Variants in CRTC1 observed in about 807,000 individuals in gnomAD.
CRTC1 encodes the protein CREB regulated transcription coactivator 1, also known as CREB-regulated transcription coactivator 1.
A neutral mutation model predicts 66.1 loss-of-function variants in CRTC1; 18 were observed. The ratio of observed to expected loss-of-function variants is 0.27; its 90% CI spans 0.19 to 0.40. The LOEUF is 0.40. Ranked by LOEUF, CRTC1 falls within the 10% of genes least tolerant of loss-of-function variation. CRTC1 has a pLI of 1.00. For synonymous variants in CRTC1, 416 were observed against 398.8 expected, an observed-to-expected ratio of 1.04 and a Z score of -0.51; for missense variants, 669 against 887.9, an observed-to-expected ratio of 0.75 and a Z score of 3.13.
Position 18,745,913 on chromosome 19 carries a change from G to A in CRTC1, c.334G>A (p.Gly112Ser), listed in dbSNP as rs1222724752. The A allele has an allele frequency of 8.7e-6, 14 of 1,612,984 alleles. No individual in the cohort carries two copies. The highest frequency in any genetic ancestry group is 1.0e-5 in the Non-Finnish European group (12 of 1,179,724). ...GGTGTACCGGGAGCGTGGCCGGCTC[G>A]GCTCCCCACACCGCCGGCCCCTGTC... Reference protein sequence around the residue: ...DRVYRERGRLGSPHRRPLSVD... With the variant: ...DRVYRERGRLSSPHRRPLSVD... Residue 112 changes from glycine to serine, a missense_variant, in exon 3 of 14, where the codon GGC becomes AGC. Transcript: ENST00000321949.
At position 18,781,581 on chromosome 19, in the gene CRTC1, G is replaced by A. The variant is rs1446183246; in HGVS notation, c.*4199G>A. The A allele has an allele frequency of 1.3e-5, 3 of 229,642 alleles. No homozygotes were observed. In the South Asian group the frequency reaches 5.5e-4, roughly 42 times the overall value. The allele number at this position is 229,642 out of a possible 1,614,324, so 14.2% of individuals were successfully genotyped here. ...TCTCCCCCTGGGAGCAGGAGGTGGA[G>A]TAAGTTGTACCCCCAGGCCTGGGTG... On this transcript the variant is annotated 3_prime_UTR_variant, in exon 14 of 14. Coordinates refer to ENST00000321949, the MANE Select transcript of CRTC1 (RefSeq NM_015321.3).
At chr19:18,744,223 C>A in intron 2 of CRTC1, 1 of 1,501,076 alleles carries the variant, frequency 6.7e-7, no homozygotes, top group Non-Finnish European at 9.1e-7. Context: ...GACCCGTGTG[C>A]GGGCGCTGGG....
chr19:18,772,576 C>T (rs2054894295), intron 11 of CRTC1, among the ~76,000 whole-genome samples: 1 of 152,214 alleles, frequency 6.6e-6, no homozygotes, highest in African/African-American at 2.4e-5. Flanking sequence ...TGAGGTCGGG[C>T]TCCCTTGTCC....
chr19:18,739,626 G>A (rs1330999862), intron 1 of CRTC1, among the ~76,000 whole-genome samples: 3 of 152,218 alleles, frequency 2.0e-5, no homozygotes, highest in Non-Finnish European at 4.4e-5. Flanking sequence ...TCAGTGGTTT[G>A]GGGAGCACAG....
At chr19:18,693,452 G>C (rs1398915468) in intron 1 of CRTC1, among the ~76,000 whole-genome samples, 1 of 150,616 alleles carries the variant, frequency 6.6e-6, no homozygotes, top group Non-Finnish European at 1.5e-5. Flanking sequence ...AATCAAGACA[G>C]GTTTTACCAA....
chr19:18,782,329 C>G lies in CRTC1; in HGVS notation c.*4947C>G, dbSNP rs997465408. 1 of 204,862 alleles carries G rather than the reference C, an allele frequency of 4.9e-6. No individual in the cohort carries two copies. Among genetic ancestry groups the G allele is most frequent in the Admixed American group, 5.5e-5 (1 of 18,198 alleles). The allele number at this position is 204,862 out of a possible 1,614,324, so 12.7% of individuals were successfully genotyped here. On this transcript the variant is annotated 3_prime_UTR_variant, in exon 14 of 14. Coordinates refer to ENST00000321949, the MANE Select transcript of CRTC1 (RefSeq NM_015321.3). ...AAACGTAATAAAAATCCAACGTTTT[C>G]GTCACTGGCTCTTCCTCTTTTTTCT...
chr19:18,765,205 ACT>A (rs1278580091), intron 8 of CRTC1, among the ~76,000 whole-genome samples, 197 bp from the exon 9 acceptor site: 1 of 151,820 alleles, frequency 6.6e-6, no homozygotes, highest in African/African-American at 2.4e-5. Context: ...AGGAGAACAG[ACT>A]CTGCAGGACT....
chr19:18,776,611 C>G (rs564423791), intron 13 of CRTC1, among the ~76,000 whole-genome samples: 1 of 152,364 alleles, frequency 6.6e-6, no homozygotes, highest in Non-Finnish European at 1.5e-5. Flanking sequence ...CAGCCTCAGA[C>G]TCAGGAGAAG....
chr19:18,741,205 G>C lies in CRTC1; in HGVS notation c.127-1705G>C, dbSNP rs1236432843. 2.6e-5 allele frequency among the ~76,000 whole-genome samples: 4 copies of C among 152,184 alleles called. No homozygotes were observed. Among genetic ancestry groups the C allele is most frequent in the African/African-American group, 9.7e-5 (4 of 41,436 alleles). The stretch of plus-strand genomic sequence containing the variant: ...CTGTGTGTCCCCAGTCCTGTAGATT[G>C]TCCCCGCATCCCAGGTTTCCTGTGG... On this transcript the variant is annotated intron_variant, in intron 1 of 13. Coordinates refer to ENST00000321949, the MANE Select transcript of CRTC1 (RefSeq NM_015321.3). This position sits in a 1 kb window ranked among gnomAD's most constrained non-coding sequence, Gnocchi z 4.2.
At chr19:18,693,425 C>T (rs996409605) in intron 1 of CRTC1, among the ~76,000 whole-genome samples, 5 of 150,764 alleles carry the variant, frequency 3.3e-5, no homozygotes, top group Non-Finnish European at 7.4e-5. Context: ...CTTGCCAGCA[C>T]CTACCACCAA....
At chr19:18,762,254 A>G (rs2054630872) in intron 8 of CRTC1, among the ~76,000 whole-genome samples, 1 of 152,202 alleles carries the variant, frequency 6.6e-6, no homozygotes, top group African/African-American at 2.4e-5. Flanking sequence ...CCCAGTCTAA[A>G]CAAGCACAAG....
intron 8 of CRTC1, among the ~76,000 whole-genome samples, chr19:18,761,238 C>A (rs1042580081): frequency 6.6e-6 from 1 of 152,252 alleles, no homozygotes; most frequent in African/African-American, 2.4e-5. Flanking sequence ...CCTGCCCTGG[C>A]CCACGTTGCT....
intron 1 of CRTC1, among the ~76,000 whole-genome samples, chr19:18,706,144 A>G (rs8100814): frequency 0.045 from 5,326 of 119,460 alleles, 352 homozygotes; most frequent in African/African-American, 0.16. Context: ...CATATATGTG[A>G]CAGTTTATTT....
chr19:18,733,161 T>C (rs548669863), intron 1 of CRTC1, among the ~76,000 whole-genome samples: 1 of 151,686 alleles, frequency 6.6e-6, no homozygotes, highest in African/African-American at 2.4e-5. Context: ...CTGAGGCCCC[T>C]CCTGTCTTCC....
chr19:18,747,816 G>A (rs1284236974), intron 4 of CRTC1, among the ~76,000 whole-genome samples: 1 of 152,096 alleles, frequency 6.6e-6, no homozygotes, highest in Non-Finnish European at 1.5e-5. Flanking sequence ...AGTGGCTCAC[G>A]CCTGTAATCC....
At position 18,778,147 on chromosome 19, in the gene CRTC1, G is replaced by A. The variant is rs2055036302; in HGVS notation, c.*765G>A. 4.3e-6 allele frequency: 1 copy of A among 232,886 alleles called. No individual in the cohort carries two copies. 14.4% of individuals were successfully genotyped at this position (232,886 alleles called of 1,614,324 possible). A position where few individuals can be genotyped will look rare whatever the true frequency, so the allele number is the denominator to read the frequency against. ...GGGAAGTGACCGGAAGGCCCCGTGA[G>A]GGGTCGAACGCGGAGGCAGGGGTTA... On this transcript the variant is annotated 3_prime_UTR_variant, in exon 14 of 14. Coordinates refer to ENST00000321949, the MANE Select transcript of CRTC1 (RefSeq NM_015321.3).
Position 18,777,598 on chromosome 19 carries a change from G to A in CRTC1, c.*216G>A. On this transcript the variant is annotated 3_prime_UTR_variant, in exon 14 of 14. Transcript: ENST00000321949. This position sits in a 1 kb window ranked among gnomAD's most constrained non-coding sequence, Gnocchi z 5.5. ...CCGTCCACCCACCCGCCCGCCCAGG[G>A]CTGGGCTGGGATCGGAGGCCGTGAG... 3 of 543,850 alleles carry A rather than the reference G, an allele frequency of 5.5e-6. No individual in the cohort carries two copies. Among genetic ancestry groups the A allele is most frequent in the Non-Finnish European group, 9.7e-6 (3 of 310,610 alleles). The allele number at this position is 543,850 out of a possible 1,614,324, so 33.7% of individuals were successfully genotyped here.
At chr19:18,724,212 A>G (rs1299692388) in intron 1 of CRTC1, among the ~76,000 whole-genome samples, 2 of 152,040 alleles carry the variant, frequency 1.3e-5, no homozygotes, top group African/African-American at 4.8e-5. Context: ...GGGAGCAGTG[A>G]CAGCTGATCA....
intron 1 of CRTC1, among the ~76,000 whole-genome samples, chr19:18,740,061 T>C (rs1281874182): frequency 6.6e-6 from 1 of 152,072 alleles, no homozygotes; most frequent in Non-Finnish European, 1.5e-5. Flanking sequence ...AAGACCAGCC[T>C]GGCCAACGTG....
Sources: allele counts gnomAD v4.1 joint callset (sites outside exome capture counted in the v4.1 genomes callset), GRCh38; gene constraint gnomAD v4.1.1; non-coding constraint Gnocchi (gnomAD v3.1); transcripts MANE v1.5; gene names NCBI Gene and HGNC (gene_info 2026-07-23, HGNC 2026-07-21).